The following A3GALT2 variants were observed in gnomAD, a reference collection of about 807,000 sequenced individuals.
A3GALT2 encodes alpha-1,3-galactosyltransferase 2.
A3GALT2 carries 14 observed loss-of-function variants against 16.6 expected under a neutral mutation model. The observed-to-expected ratio is 0.84, with a 90% CI of 0.56 to 1.32. The LOEUF (loss-of-function observed/expected upper bound fraction) is 1.32, where lower values mean the gene tolerates loss of function less well. Ranked by LOEUF, A3GALT2 falls within the 40% of genes most tolerant of loss-of-function variation. The pLI is 0.00. For missense variants in A3GALT2, 600 were observed against 490.9 expected (o/e 1.22, Z -2.10); for synonymous variants, 253 against 218.0 (o/e 1.16, Z -1.42).
In A3GALT2 at chr1:33,306,975, A is replaced by T. The variant is rs1383022926; in HGVS notation, c.814T>A (p.Cys272Ser). 2.7e-6 allele frequency: 4 copies of T among 1,485,500 alleles called. No homozygotes were observed. Among genetic ancestry groups the T allele is most frequent in the Non-Finnish European group, 3.6e-6 (4 of 1,124,736 alleles). The allele number at this position is 1,485,500 out of a possible 1,614,324, so 92.0% of individuals were successfully genotyped here. The part of the protein sequence containing the change: ...VAALRGLTAH[C>S]AGGLDWDRAR... ...CGGTCCCAGTCCAGGCCCCCCGCAC[A>T]GTGCGCCGTCAGCCCGCGCAGCGCC... The change falls in exon 5 of 5, where the codon TGT becomes AGT. Residue 272 changes from cysteine (C) to serine (S), a missense_variant. Physicochemically the swap from Cys to Ser is moderately radical, Grantham distance 112. Transcript: ENST00000442999.
rs1419845130 is a variant in A3GALT2, at chr1:33,312,157, C to T, written c.230G>A (p.Trp77Ter). Residue 77 changes from tryptophan (W) to a stop codon, truncating the protein, a stop_gained, in exon 4 of 5, where the codon TGG becomes TAG. Coordinates refer to ENST00000442999, the MANE Select transcript of A3GALT2 (RefSeq NM_001080438.1). LOFTEE classifies it high-confidence loss of function. Reference protein sequence around the residue: ...ARPEVLTCTPWGAPIIWDGSF... With the variant: ...ARPEVLTCTP ...GCCATCCCAAATAATGGGAGCCCCC[C>T]AGGGGGTACAGGTCAGAACTTCAGG... 3.7e-6 allele frequency: 6 copies of T among 1,613,378 alleles called. No homozygotes were observed. Among genetic ancestry groups the T allele is most frequent in the Non-Finnish European group, 4.2e-6 (5 of 1,179,818 alleles).
Position 33,306,925 on chromosome 1 carries a change from C to A in A3GALT2, c.864G>T (p.Trp288Cys). The change falls in exon 5 of 5, where the codon TGG becomes TGT. Residue 288 changes from tryptophan to cysteine, a missense_variant. By Grantham distance (215) the Trp-to-Cys change is radical (BLOSUM62 -2). Coordinates refer to ENST00000442999, the MANE Select transcript of A3GALT2 (RefSeq NM_001080438.1). Reference sequence around the variant, plus strand: ...ACTTGTTGAGGTGGCTCTCGTCGTGCCAGCGCGCCTCCAGGCCGCGCGCGC... The same window carrying A: ...ACTTGTTGAGGTGGCTCTCGTCGTGACAGCGCGCCTCCAGGCCGCGCGCGC... ...WDRARGLEAR[W>C]HDESHLNKFF... is the part of the protein sequence containing the mutation. 4.6e-6 allele frequency: 7 copies of A among 1,518,616 alleles called. No homozygotes were observed. Among genetic ancestry groups the A allele is most frequent in the Non-Finnish European group, 6.1e-6 (7 of 1,139,438 alleles). The allele number at this position is 1,518,616 out of a possible 1,614,324, so 94.1% of individuals were successfully genotyped here.
chr1:33,317,132 A>G (rs1313471480), intron 1 of A3GALT2, among the ~76,000 whole-genome samples: 1 of 152,130 alleles, frequency 6.6e-6, no homozygotes, highest in African/African-American at 2.4e-5. Context: ...GCATTATCTC[A>G]GCTCCTCAAA....
chr1:33,320,792 G>GT lies in A3GALT2; in HGVS notation c.23+283dup, dbSNP rs1570430605. Among the ~76,000 whole-genome samples the GT allele has an allele frequency of 6.6e-6, 1 of 151,986 alleles. No homozygotes were observed. The highest frequency in any genetic ancestry group is 2.4e-5 in the African/African-American group (1 of 41,424). ...CTCTGCTTTCCGGCTCGCCAAGGGG[G>GT]TTTAGAGTTAAGGGAAGCAAGGGGA... On this transcript the variant is annotated intron_variant, in intron 1 of 4. Coordinates refer to ENST00000442999, the MANE Select transcript of A3GALT2 (RefSeq NM_001080438.1). This position sits in a 1 kb window ranked among gnomAD's most constrained non-coding sequence, Gnocchi z 4.3.
chr1:33,307,065 C>T lies in A3GALT2; in HGVS notation c.724G>A (p.Ala242Thr), dbSNP rs1646197344. Residue 242 changes from alanine (A) to threonine (T), a missense_variant, in exon 5 of 5, where the codon GCC becomes ACC. Transcript: ENST00000442999. ...LPFERDAHSAAAMAWGQGDFY... is the reference protein window; with the variant it reads ...LPFERDAHSATAMAWGQGDFY... ...TCGCCCTGGCCCCACGCCATCGCGG[C>T]GGCCGAATGCGCGTCGCGTTCGAAG... 4.0e-6 allele frequency: 6 copies of T among 1,516,930 alleles called. No homozygotes were observed. The African/African-American group carries it at 4.3e-5, about 11-fold the overall frequency. The allele number at this position is 1,516,930 out of a possible 1,614,324, so 94.0% of individuals were successfully genotyped here. A position where few individuals can be genotyped will look rare whatever the true frequency, so the allele number is the denominator to read the frequency against.
intron 1 of A3GALT2, among the ~76,000 whole-genome samples, chr1:33,319,074 G>A (rs1646273349): frequency 1.3e-5 from 2 of 152,130 alleles, no homozygotes; most frequent in Non-Finnish European, 2.9e-5. Flanking sequence ...CCTGTTAAAG[G>A]CACACCACAG....
intron 3 of A3GALT2, 146 bp downstream of exon 3, chr1:33,312,355 G>A (rs1211690585): frequency 7.9e-7 from 1 of 1,273,002 alleles, no homozygotes; most frequent in East Asian, 2.4e-5. Flanking sequence ...AGGACTGGGA[G>A]ATGTGTGGCC....
chr1:33,308,312 G>T (rs1646213518), intron 4 of A3GALT2, among the ~76,000 whole-genome samples: 1 of 151,848 alleles, frequency 6.6e-6, no homozygotes, highest in Non-Finnish European at 1.5e-5. Flanking sequence ...GCCCCCACCA[G>T]TCTTCAGCAG....
rs1440715664 is a variant in A3GALT2 at position 33,320,291 on chromosome 1, A to G, written c.23+785T>C. ...CGTAAGGTACTACAGGAGCAGGAAA[A>G]GGCTGGAGGGGCTTTCTCCCCCTCT... is the stretch of plus-strand genomic sequence containing the variant. On this transcript the variant is annotated intron_variant, in intron 1 of 4. Transcript: ENST00000442999. The surrounding 1 kb of genome is among the most constrained non-coding windows in gnomAD (Gnocchi z 4.3). Among the ~76,000 whole-genome samples, 1 of 152,010 alleles carries G rather than the reference A, an allele frequency of 6.6e-6. No homozygotes were observed. Among genetic ancestry groups the G allele is most frequent in the African/African-American group, 2.4e-5 (1 of 41,438 alleles).
At chr1:33,315,315 G>A (rs1646256557) in intron 1 of A3GALT2, among the ~76,000 whole-genome samples, 1 of 151,640 alleles carries the variant, frequency 6.6e-6, no homozygotes, top group African/African-American at 2.4e-5. Flanking sequence ...TTGGGAGGCG[G>A]AGGTTGCAGT....
rs969102948 is a variant in A3GALT2, at chr1:33,306,854, C to G, written c.935G>C (p.Cys312Ser). 2.6e-6 allele frequency: 4 copies of G among 1,512,082 alleles called. No homozygotes were observed. The highest frequency in any genetic ancestry group is 3.5e-6 in the Non-Finnish European group (4 of 1,136,174). 93.7% of individuals were successfully genotyped at this position (1,512,082 alleles called of 1,614,324 possible). A position where few individuals can be genotyped will look rare whatever the true frequency, so the allele number is the denominator to read the frequency against. Residue 312 changes from cysteine to serine, a missense_variant, in exon 5 of 5, where the codon TGC becomes TCC. By Grantham distance (112) the Cys-to-Ser change is moderately radical. Transcript: ENST00000442999. ...KPAKVLSPEF[C>S]WSPDIGPRAE... Reference sequence around the variant, plus strand: ...CCGCGGGCCGATGTCCGGGCTCCAGCAGAACTCGGGCGACAGCACCTTGGC... The same window carrying G: ...CCGCGGGCCGATGTCCGGGCTCCAGGAGAACTCGGGCGACAGCACCTTGGC...
intron 1 of A3GALT2, 50 bp downstream of exon 1, chr1:33,321,026 C>T: frequency 6.2e-7 from 1 of 1,610,838 alleles, no homozygotes; most frequent in Non-Finnish European, 8.5e-7. Flanking sequence ...TCCCTCTTAG[C>T]TCAGCTGTCC....
chr1:33,306,872 A>G lies in A3GALT2; in HGVS notation c.917T>C (p.Val306Ala). ...KFFWLHKPAK[V>A]LSPEFCWSPD... ...GCTCCAGCAGAACTCGGGCGACAGCACCTTGGCGGGCTTGTGCAGCCAGAA... is the reference window on the plus strand; with the variant it reads ...GCTCCAGCAGAACTCGGGCGACAGCGCCTTGGCGGGCTTGTGCAGCCAGAA... Residue 306 changes from valine to alanine, a missense_variant, in exon 5 of 5, where the codon GTG (valine) becomes GCG (alanine). Coordinates refer to ENST00000442999, the MANE Select transcript of A3GALT2 (RefSeq NM_001080438.1). 6.6e-7 allele frequency: 1 copy of G among 1,518,988 alleles called. No homozygotes were observed. Among genetic ancestry groups the G allele is most frequent in the Non-Finnish European group, 8.8e-7 (1 of 1,139,094 alleles). 94.1% of individuals were successfully genotyped at this position (1,518,988 alleles called of 1,614,324 possible).
At position 33,306,797 on chromosome 1, in the gene A3GALT2, G is replaced by A. The variant is rs1041065552; in HGVS notation, c.992C>T (p.Ala331Val). The A allele has an allele frequency of 9.7e-6, 14 of 1,448,476 alleles. No homozygotes were observed. Among genetic ancestry groups the A allele is most frequent in the Admixed American group, 5.6e-5 (2 of 35,570 alleles). The allele number at this position is 1,448,476 out of a possible 1,614,324, so 89.7% of individuals were successfully genotyped here. A position where few individuals can be genotyped will look rare whatever the true frequency, so the allele number is the denominator to read the frequency against. ...CCGCAGCAGCCGGTACCCCTTGGGC[G>A]CCCACAGCAGTCGCGGGCGGCGGAT... The part of the protein sequence containing the change: ...AEIRRPRLLW[A>V]PKGYRLLRN The change falls in exon 5 of 5, where the codon GCG becomes GTG. Residue 331 changes from alanine to valine, a missense_variant. By Grantham distance (64) the Ala-to-Val change is moderately conservative. Coordinates refer to ENST00000442999, the MANE Select transcript of A3GALT2 (RefSeq NM_001080438.1).
chr1:33,318,759 T>A (rs1382100983), intron 1 of A3GALT2, among the ~76,000 whole-genome samples: 1 of 152,152 alleles, frequency 6.6e-6, no homozygotes, highest in Non-Finnish European at 1.5e-5. Context: ...ATCTCCTCCG[T>A]TAGGTCCCTC....
intron 4 of A3GALT2, among the ~76,000 whole-genome samples, chr1:33,308,752 T>TTTTTTG (rs1646216740): frequency 1.4e-5 from 1 of 72,064 alleles, no homozygotes; most frequent in African/African-American, 9.0e-5. Context: ...TCAAAGTTGT[T>TTTTTTG]TTTTTTTTTT....
intron 4 of A3GALT2, among the ~76,000 whole-genome samples, chr1:33,311,637 C>A (rs1263396356): frequency 1.3e-5 from 2 of 152,206 alleles, no homozygotes; most frequent in Non-Finnish European, 2.9e-5. Context: ...TGTACCTGCA[C>A]CTGAGCTGCT....
At chr1:33,314,397 C>CT (rs1384040097) in intron 1 of A3GALT2, 11 of 152,710 alleles carry the variant, frequency 7.2e-5, no homozygotes, top group African/African-American at 2.6e-4. Flanking sequence ...CCCCTGGTCT[C>CT]TTTCAAGAAG....
chr1:33,315,111 G>A (rs900444385), intron 1 of A3GALT2, among the ~76,000 whole-genome samples: 1 of 152,024 alleles, frequency 6.6e-6, no homozygotes, highest in South Asian at 2.1e-4. Flanking sequence ...GGGGCTGGGC[G>A]TGGTGGCTCA....
Sources: gnomAD v4.1 joint callset for allele counts (sites outside exome capture counted in the v4.1 genomes callset) on GRCh38, gnomAD v4.1.1 for gene constraint, Gnocchi (gnomAD v3.1) non-coding constraint, MANE v1.5 for transcripts, NCBI Gene and HGNC (gene_info 2026-07-23, HGNC 2026-07-21) for gene names.